Variants in CALD1 observed in about 807,000 individuals in gnomAD.
CALD1 encodes caldesmon.
In CALD1, 33 loss-of-function variants were observed where a neutral mutation model predicts 99.9. That is an observed-to-expected ratio of 0.33 (90% CI 0.25 to 0.44). CALD1 has a LOEUF of 0.44. Ranked by LOEUF, CALD1 falls within the 20% of genes least tolerant of loss-of-function variation. The pLI is 1.00. For missense variants in CALD1, 861 were observed against 962.1 expected (o/e 0.89, Z 1.39); for synonymous variants, 310 against 325.0 (o/e 0.95, Z 0.50).
At chr7:134,752,557 T>C (rs17168018) in intron 1 of CALD1, among the ~76,000 whole-genome samples, 19,361 of 152,196 alleles carry the variant, frequency 0.13, 1,516 homozygotes, top group Non-Finnish European at 0.17. Context: ...TGTCCATGCA[T>C]GTACAGAGTT....
chr7:134,892,030 C>A (rs1298463847), intron 3 of CALD1, among the ~76,000 whole-genome samples: 1 of 152,186 alleles, frequency 6.6e-6, no homozygotes, highest in Non-Finnish European at 1.5e-5. Context: ...CCTTAGCCCT[C>A]CGTTCAGAAT....
chr7:134,745,091 A>G (rs1796623655), intron 1 of CALD1, among the ~76,000 whole-genome samples: 2 of 152,228 alleles, frequency 1.3e-5, no homozygotes, highest in Non-Finnish European at 2.9e-5. Context: ...TAGGCACACA[A>G]TAAGTGTGTG....
rs112358669 is a variant in CALD1 at position 134,968,179 on chromosome 7, T to A, written c.2377-161T>A. On this transcript the variant is annotated intron_variant, in intron 14 of 14. Coordinates refer to ENST00000361675, the MANE Select transcript of CALD1 (RefSeq NM_033138.4). Reference sequence around the variant, plus strand: ...TAAAAAGTAAAATAAAAGATCATATTTGAATGGAATGCCGATAATAATCCT... The same window carrying A: ...TAAAAAGTAAAATAAAAGATCATATATGAATGGAATGCCGATAATAATCCT... Among the ~76,000 whole-genome samples the A allele has an allele frequency of 5.3e-3, 808 of 152,174 alleles. 9 individuals carry two copies. The highest frequency in any genetic ancestry group is 0.019 in the African/African-American group (778 of 41,544).
At chr7:134,742,481 T>C (rs534796376), upstream of CALD1, among the ~76,000 whole-genome samples, 1 of 152,332 alleles carries the variant, frequency 6.6e-6, no homozygotes, top group African/African-American at 2.4e-5. Flanking sequence ...TCTTGGAATG[T>C]GCTCGAAGTC....
At chr7:134,954,581 T>A (rs1807623080) in intron 9 of CALD1, among the ~76,000 whole-genome samples, 1 of 152,132 alleles carries the variant, frequency 6.6e-6, no homozygotes, top group South Asian at 2.1e-4. Context: ...CAGGCTATGT[T>A]AGCTATGATA....
chr7:134,759,486 C>A (rs918313006), intron 1 of CALD1, among the ~76,000 whole-genome samples: 1 of 152,114 alleles, frequency 6.6e-6, no homozygotes, highest in African/African-American at 2.4e-5. Flanking sequence ...GCAGAGAGAA[C>A]AGCATGTGTG....
At chr7:134,764,799 C>A (rs1796811113) in intron 1 of CALD1, among the ~76,000 whole-genome samples, 1 of 151,918 alleles carries the variant, frequency 6.6e-6, no homozygotes. Flanking sequence ...GGGAGAAGCA[C>A]CAAGACTGAA....
intron 3 of CALD1, among the ~76,000 whole-genome samples, chr7:134,898,195 A>G (rs1420747000): frequency 6.6e-6 from 1 of 152,208 alleles, no homozygotes; most frequent in Non-Finnish European, 1.5e-5. Context: ...AGTCGCTTCA[A>G]CTTGCTGCGA....
At chr7:134,912,887 A>G (rs1034911278) in intron 3 of CALD1, among the ~76,000 whole-genome samples, 3 of 152,170 alleles carry the variant, frequency 2.0e-5, no homozygotes, top group African/African-American at 7.2e-5. Context: ...GTGCATGGTT[A>G]GTGGGGCAGA....
At chr7:134,714,718 A>T in the CALD1 span, among the ~76,000 whole-genome samples, 1 of 152,228 alleles carries the variant, frequency 6.6e-6, no homozygotes, top group Non-Finnish European at 1.5e-5. Context: ...TTTTAATTAA[A>T]TGCAAATTAA....
chr7:134,775,227 T>C (rs1259030908), upstream of CALD1, among the ~76,000 whole-genome samples: 2 of 152,210 alleles, frequency 1.3e-5, no homozygotes, highest in African/African-American at 4.8e-5. Context: ...TCATATATGC[T>C]GGGGTCTATT....
rs151332354 is a variant in CALD1, at chr7:134,827,740, G to C, written c.-129-16144G>C. ...TCAGTCAAAGGTGTTATTTGGGGAA[G>C]GTGATGGAGGGTCCACGATGGACTG... On this transcript the variant is annotated intron_variant, in intron 1 of 14. Coordinates refer to ENST00000361675, the MANE Select transcript of CALD1 (RefSeq NM_033138.4). 2.1e-3 allele frequency among the ~76,000 whole-genome samples: 326 copies of C among 152,328 alleles called. 2 individuals are homozygous for C. The highest frequency in any genetic ancestry group is 7.4e-3 in the African/African-American group (308 of 41,570).
chr7:134,855,656 T>C (rs1482414088), intron 2 of CALD1, among the ~76,000 whole-genome samples: 1 of 152,246 alleles, frequency 6.6e-6, no homozygotes, highest in Admixed American at 6.5e-5. Flanking sequence ...TGGAACTGTT[T>C]ATATTCGGCT....
intron 9 of CALD1, among the ~76,000 whole-genome samples, chr7:134,953,307 C>T (rs1291069278): frequency 6.6e-6 from 1 of 151,930 alleles, no homozygotes; most frequent in Non-Finnish European, 1.5e-5. Flanking sequence ...GGTGAAACCT[C>T]GTCTCTACTA....
At chr7:134,798,595 C>G (rs1797834664) in intron 1 of CALD1, among the ~76,000 whole-genome samples, 1 of 152,196 alleles carries the variant, frequency 6.6e-6, no homozygotes, top group Non-Finnish European at 1.5e-5. Flanking sequence ...GACGTTCCCC[C>G]AAATCTTGAG....
At chr7:134,803,613 C>T (rs1297467715) in intron 1 of CALD1, among the ~76,000 whole-genome samples, 1 of 151,894 alleles carries the variant, frequency 6.6e-6, no homozygotes, top group Non-Finnish European at 1.5e-5. Flanking sequence ...TGTTCCAGAA[C>T]AATCTGTCAA....
chr7:134,730,010 T>C, the CALD1 span, among the ~76,000 whole-genome samples: 4 of 152,098 alleles, frequency 2.6e-5, no homozygotes, highest in Admixed American at 6.5e-5. Context: ...CAGAGCACCA[T>C]GTAAACAGAC....
At chr7:134,926,752 T>C (rs986853897) in intron 3 of CALD1, among the ~76,000 whole-genome samples, 2 of 152,202 alleles carry the variant, frequency 1.3e-5, no homozygotes, top group Non-Finnish European at 2.9e-5. Context: ...ACTGTTTTGT[T>C]TTAATTTGCA....
At position 134,905,930 on chromosome 7, in the gene CALD1, T is replaced by G. The variant is rs540084464; in HGVS notation, c.72-22824T>G. 5.5e-3 allele frequency among the ~76,000 whole-genome samples: 811 copies of G among 147,320 alleles called. 11 individuals carry two copies. Among genetic ancestry groups the G allele is most frequent in the African/African-American group, 0.019 (772 of 39,600 alleles). On this transcript the variant is annotated intron_variant, in intron 3 of 14. Coordinates refer to ENST00000361675, the MANE Select transcript of CALD1 (RefSeq NM_033138.4). ...TTTGGACCTCTCTATATCTTTTTTTTTTTTTTTTTTTTTTTTGAGACAGAG... is the reference window on the plus strand; with the variant it reads ...TTTGGACCTCTCTATATCTTTTTTTGTTTTTTTTTTTTTTTTGAGACAGAG...
Sources: gnomAD v4.1 joint callset for allele counts (sites outside exome capture counted in the v4.1 genomes callset) on GRCh38, gnomAD v4.1.1 for gene constraint, MANE v1.5 for transcripts, NCBI Gene and HGNC (gene_info 2026-07-23, HGNC 2026-07-21) for gene names.